MTURN: variants seen among roughly 807,000 people sequenced by gnomAD.
MTURN encodes the protein maturin, neural progenitor differentiation regulator homolog.
A neutral mutation model predicts 14.9 loss-of-function variants in MTURN; 7 were observed. That is an observed-to-expected ratio of 0.47 (90% CI 0.27 to 0.88). The LOEUF is 0.88. Among genes scored for constraint, MTURN ranks in the 40% least tolerant of loss-of-function variants. MTURN has a pLI of 0.14. For synonymous variants in MTURN, 69 were observed against 72.5 expected (o/e 0.95, Z 0.25); for missense variants, 151 against 174.1 (o/e 0.87, Z 0.75).
chr7:30,153,371 G>C (rs1469049798), intron 2 of MTURN, among the ~76,000 whole-genome samples: 1 of 152,164 alleles, frequency 6.6e-6, no homozygotes, highest in Non-Finnish European at 1.5e-5. Flanking sequence ...CACAAATTTA[G>C]ACATTAGCAT....
At chr7:30,145,953 A>G in intron 1 of MTURN, 1 of 1,551,770 alleles carries the variant, frequency 6.4e-7, no homozygotes, top group Non-Finnish European at 8.7e-7. Context: ...TGAACAGAGC[A>G]GGTGAGGTAT....
At chr7:30,135,399 G>A (rs1202909990) in intron 1 of MTURN, 101 bp downstream of exon 1, 2 of 1,150,234 alleles carry the variant, frequency 1.7e-6, no homozygotes, top group Non-Finnish European at 2.3e-6. Flanking sequence ...GGTGGGCGCA[G>A]AGTGGGGGGC....
intron 1 of MTURN, among the ~76,000 whole-genome samples, chr7:30,139,348 G>C (rs1797013551): frequency 6.6e-6 from 1 of 152,116 alleles, no homozygotes; most frequent in African/African-American, 2.4e-5. Context: ...AATTATCTCT[G>C]TTTTACAGAG....
chr7:30,149,367 G>C (rs1471281546), intron 2 of MTURN, among the ~76,000 whole-genome samples: 1 of 152,156 alleles, frequency 6.6e-6, no homozygotes. Flanking sequence ...GGCACAGCAT[G>C]CCCTTTGGTG....
intron 1 of MTURN, 139 bp downstream of exon 1, chr7:30,135,437 C>A (rs1796934171): frequency 1.4e-6 from 1 of 716,538 alleles, no homozygotes; most frequent in Non-Finnish European, 1.8e-6. Flanking sequence ...GCCCCGCGTG[C>A]TCCGCCGGGG....
chr7:30,148,254 A>G (rs1344406084), intron 2 of MTURN, among the ~76,000 whole-genome samples: 3 of 152,246 alleles, frequency 2.0e-5, no homozygotes, highest in Non-Finnish European at 4.4e-5. Flanking sequence ...CTAGGGGAAT[A>G]GCATTTTCAG....
intron 1 of MTURN, chr7:30,145,938 G>T: frequency 6.4e-7 from 1 of 1,551,748 alleles, no homozygotes; most frequent in African/African-American, 1.4e-5. Context: ...GAGCAGATCT[G>T]ATGATGAACA....
intron 2 of MTURN, among the ~76,000 whole-genome samples, chr7:30,152,245 C>T (rs868294790): frequency 1.3e-5 from 2 of 151,754 alleles, no homozygotes; most frequent in Non-Finnish European, 2.9e-5. Context: ...AGTGCCTCCT[C>T]CTGCCCATTG....
chr7:30,151,938 G>A (rs906530204), intron 2 of MTURN, among the ~76,000 whole-genome samples: 4 of 152,108 alleles, frequency 2.6e-5, no homozygotes, highest in Non-Finnish European at 4.4e-5. Context: ...GGAGAGCTGC[G>A]GCTTAAATCC....
chr7:30,158,648 CAG>C lies in MTURN; in HGVS notation c.*1101_*1102del, dbSNP rs1049673485. 1.1e-4 allele frequency: 16 copies of C among 152,216 alleles called. No individual in the cohort carries two copies. The highest frequency in any genetic ancestry group is 3.9e-4 in the East Asian group (2 of 5,186). The allele number at this position is 152,216 out of a possible 1,614,324, so 9.4% of individuals were successfully genotyped here. A position where few individuals can be genotyped will look rare whatever the true frequency, so the allele number is the denominator to read the frequency against. On this transcript the variant is annotated 3_prime_UTR_variant, in exon 3 of 3. Coordinates refer to ENST00000324453, the MANE Select transcript of MTURN (RefSeq NM_152793.3). ...TTTAATCGTGGGTTAGCTTGGTTAA[CAG>C]GGAACGTTTTAATAATCAAGATACT...
At chr7:30,146,416 T>G in intron 2 of MTURN, 117 bp downstream of exon 2, 1 of 1,436,104 alleles carries the variant, frequency 7.0e-7, no homozygotes, top group Non-Finnish European at 9.5e-7. Flanking sequence ...TTTTCTCTTG[T>G]CTGTCCTGTG....
At chr7:30,152,985 C>A (rs1797234423) in intron 2 of MTURN, among the ~76,000 whole-genome samples, 1 of 152,136 alleles carries the variant, frequency 6.6e-6, no homozygotes, top group Non-Finnish European at 1.5e-5. Context: ...ACTCTCTTGT[C>A]CAGAGTGAGC....
At chr7:30,145,832 C>T in intron 1 of MTURN, 1 of 1,536,164 alleles carries the variant, frequency 6.5e-7, no homozygotes, top group Non-Finnish European at 8.7e-7. Context: ...CTGGTTTCTC[C>T]TTCCCCATGT....
intron 1 of MTURN, among the ~76,000 whole-genome samples, chr7:30,140,300 G>A (rs1227504140): frequency 6.6e-6 from 1 of 151,864 alleles, no homozygotes; most frequent in Non-Finnish European, 1.5e-5. Flanking sequence ...TCCCTCCTCA[G>A]CACAAAAACA....
chr7:30,149,602 A>T (rs17547388), intron 2 of MTURN, among the ~76,000 whole-genome samples: 3 of 152,152 alleles, frequency 2.0e-5, no homozygotes, highest in Admixed American at 6.5e-5. Flanking sequence ...TCCACCAAAT[A>T]GAGCACTGCT....
At chr7:30,141,952 C>T (rs1303629200) in intron 1 of MTURN, among the ~76,000 whole-genome samples, 1 of 152,162 alleles carries the variant, frequency 6.6e-6, no homozygotes, top group Non-Finnish European at 1.5e-5. Flanking sequence ...GGAGGAGACA[C>T]AGGAGTGTGT....
chr7:30,136,093 G>A (rs1028418477), intron 1 of MTURN, among the ~76,000 whole-genome samples: 3 of 150,260 alleles, frequency 2.0e-5, no homozygotes, highest in African/African-American at 7.4e-5. Flanking sequence ...CGAGAGGTGT[G>A]TGTGGCCCGG....
chr7:30,141,338 C>G (rs952033996), intron 1 of MTURN: 7 of 150,990 alleles, frequency 4.6e-5, no homozygotes, highest in African/African-American at 1.7e-4. Flanking sequence ...TCAATTGATC[C>G]CGGGAGGCAG....
chr7:30,147,884 A>G (rs1175977048), intron 2 of MTURN, among the ~76,000 whole-genome samples: 1 of 152,226 alleles, frequency 6.6e-6, no homozygotes, highest in African/African-American at 2.4e-5. Context: ...TTCAAAATAG[A>G]TACTTGACTT....
Sources: gnomAD v4.1 joint callset for allele counts (sites outside exome capture counted in the v4.1 genomes callset) on GRCh38, gnomAD v4.1.1 for gene constraint, MANE v1.5 for transcripts, NCBI Gene and HGNC (gene_info 2026-07-23, HGNC 2026-07-21) for gene names.